The following TAFA5 variants were observed in gnomAD, a reference collection of about 807,000 sequenced individuals.
The protein encoded by TAFA5 is TAFA chemokine like family member 5.
Under a neutral mutation model 15.3 loss-of-function variants are expected in TAFA5, and 6 were observed. The ratio of observed to expected loss-of-function variants is 0.39; its 90% CI spans 0.21 to 0.77. The LOEUF (loss-of-function observed/expected upper bound fraction) is 0.77, where lower values mean the gene tolerates loss of function less well. Among genes scored for constraint, TAFA5 ranks in the 30% least tolerant of loss-of-function variants. The pLI, the probability that TAFA5 is intolerant of heterozygous loss-of-function variation, is 0.41. For missense variants in TAFA5, 161 were observed against 193.1 expected (o/e 0.83, Z 0.98); for synonymous variants, 103 against 80.7 (o/e 1.28, Z -1.48).
intron 1 of TAFA5, among the ~76,000 whole-genome samples, chr22:48,536,451 T>C (rs1271615505): frequency 2.0e-5 from 3 of 151,992 alleles, no homozygotes; most frequent in African/African-American, 7.3e-5. Flanking sequence ...CCGGCGCGGG[T>C]GGGTAACGAG....
chr22:48,700,982 A>G (rs1317903325), intron 2 of TAFA5, among the ~76,000 whole-genome samples: 1 of 152,102 alleles, frequency 6.6e-6, no homozygotes, highest in African/African-American at 2.4e-5. Context: ...CTCGTCCCCC[A>G]AGTTCAGGCT....
At chr22:48,581,574 C>T (rs2147146476) in intron 1 of TAFA5, among the ~76,000 whole-genome samples, 1 of 152,328 alleles carries the variant, frequency 6.6e-6, no homozygotes, top group South Asian at 2.1e-4. Flanking sequence ...CGTGTCCGTG[C>T]TCAGTAGAGT....
intron 1 of TAFA5, among the ~76,000 whole-genome samples, chr22:48,606,949 G>T (rs974184126): frequency 6.9e-6 from 1 of 144,098 alleles, no homozygotes. Flanking sequence ...TCCACTCTGT[G>T]CCCAGGGCAA....
At chr22:48,719,258 A>C (rs1929496358) in intron 3 of TAFA5, among the ~76,000 whole-genome samples, 1 of 152,140 alleles carries the variant, frequency 6.6e-6, no homozygotes, top group South Asian at 2.1e-4. Context: ...GCAGGACTGA[A>C]GAGAACCGCC....
intron 1 of TAFA5, among the ~76,000 whole-genome samples, chr22:48,584,108 CCA>C (rs958689768): frequency 1.0e-4 from 15 of 147,768 alleles, no homozygotes; most frequent in African/African-American, 2.7e-4. Context: ...CACACACACA[CCA>C]CACACACACA....
chr22:48,659,933 A>G lies in TAFA5; in HGVS notation c.262+13187A>G, dbSNP rs17823543. 2.4e-3 allele frequency among the ~76,000 whole-genome samples: 372 copies of G among 152,274 alleles called. 11 individuals carry two copies. In the East Asian group the frequency reaches 0.058, roughly 24 times the overall value. ...CAGGGACATTTTGAAAGAAAATTTT[A>G]TTTTGATCTTGGAGATGCTTTGATC... On this transcript the variant is annotated intron_variant, in intron 2 of 3. Transcript: ENST00000402357.
chr22:48,547,693 G>T (rs1922723640), intron 1 of TAFA5, among the ~76,000 whole-genome samples: 1 of 152,158 alleles, frequency 6.6e-6, no homozygotes, highest in African/African-American at 2.4e-5. Flanking sequence ...CTCAGAGTGG[G>T]GTCCCAGTGG....
intron 1 of TAFA5, among the ~76,000 whole-genome samples, chr22:48,532,317 G>T (rs779879128): frequency 6.6e-6 from 1 of 152,172 alleles, no homozygotes; most frequent in African/African-American, 2.4e-5. Flanking sequence ...TATTTACTCC[G>T]CACCTTTTCA....
rs149612364 is a variant in TAFA5 at position 48,571,431 on chromosome 22, C to T, written c.113-75166C>T. 4.1e-3 allele frequency among the ~76,000 whole-genome samples: 622 copies of T among 151,624 alleles called. 15 individuals carry two copies. Among genetic ancestry groups the T allele is most frequent in the Admixed American group, 0.026 (397 of 15,224 alleles). On this transcript the variant is annotated intron_variant, in intron 1 of 3. Coordinates refer to ENST00000402357, the MANE Select transcript of TAFA5 (RefSeq NM_001082967.3). ...CTGGGATTACAGGCACCCACTACCA[C>T]GCCCAGCTAATTTTTGTATTTTTAG...
chr22:48,510,986 C>G (rs1306809120), intron 1 of TAFA5, among the ~76,000 whole-genome samples: 1 of 152,252 alleles, frequency 6.6e-6, no homozygotes, highest in Non-Finnish European at 1.5e-5. Flanking sequence ...AGGGGCTGGG[C>G]ACCCCATGTG....
chr22:48,612,335 G>A (rs924764999), intron 1 of TAFA5, among the ~76,000 whole-genome samples: 5 of 152,204 alleles, frequency 3.3e-5, no homozygotes, highest in South Asian at 4.1e-4. Context: ...GTGAGATCAC[G>A]GCAGGCCACG....
At chr22:48,564,473 G>A (rs919034812) in intron 1 of TAFA5, among the ~76,000 whole-genome samples, 5 of 152,248 alleles carry the variant, frequency 3.3e-5, no homozygotes, top group African/African-American at 1.2e-4. Context: ...GCAGCTGCAG[G>A]ACAGTGGGCT....
chr22:48,586,154 G>A (rs938218720), intron 1 of TAFA5, among the ~76,000 whole-genome samples: 6 of 152,266 alleles, frequency 3.9e-5, no homozygotes, highest in Non-Finnish European at 7.3e-5. Flanking sequence ...CACAGCTGGG[G>A]CAAGTGTGGC....
At chr22:48,685,286 T>G (rs895425477) in intron 2 of TAFA5, among the ~76,000 whole-genome samples, 6 of 152,192 alleles carry the variant, frequency 3.9e-5, no homozygotes, top group Admixed American at 2.0e-4. Context: ...AGCAGCAGGC[T>G]TCAGAGAGAA....
At chr22:48,710,866 G>C (rs1468019977) in intron 3 of TAFA5, among the ~76,000 whole-genome samples, 1 of 152,210 alleles carries the variant, frequency 6.6e-6, no homozygotes, top group South Asian at 2.1e-4. Context: ...AGTTTCACAG[G>C]CTTGAATACT....
chr22:48,544,410 C>G (rs909286451), intron 1 of TAFA5: 1 of 347,634 alleles, frequency 2.9e-6, no homozygotes, highest in African/African-American at 2.1e-5. Context: ...CACGGCCAGT[C>G]TTGGGTTTGC....
intron 1 of TAFA5, among the ~76,000 whole-genome samples, chr22:48,623,814 A>C (rs1285110132): frequency 1.3e-5 from 2 of 152,232 alleles, no homozygotes; most frequent in African/African-American, 2.4e-5. Flanking sequence ...TCTTGGGGAA[A>C]ATTTTAGATT....
intron 2 of TAFA5, among the ~76,000 whole-genome samples, chr22:48,697,741 TATG>T (rs1460562849): frequency 6.6e-6 from 1 of 151,554 alleles, no homozygotes; most frequent in Non-Finnish European, 1.5e-5. Flanking sequence ...TGGTAGTGGT[TATG>T]ATAATGTGAT....
At position 48,566,992 on chromosome 22, in the gene TAFA5, G is replaced by A. The variant is rs571441451; in HGVS notation, c.112+77288G>A. On this transcript the variant is annotated intron_variant, in intron 1 of 3. Coordinates refer to ENST00000402357, the MANE Select transcript of TAFA5 (RefSeq NM_001082967.3). This position sits in a 1 kb window ranked among gnomAD's most constrained non-coding sequence, Gnocchi z 4.5. ...CCGCACTGGATTCCCCTTTCCCTGC[G>A]GAAGGGCACTTGCGTTGTCTCCAGG... Among the ~76,000 whole-genome samples the A allele has an allele frequency of 5.9e-5, 9 of 152,318 alleles. No individual in the cohort carries two copies. In the South Asian group the frequency reaches 1.0e-3, roughly 18 times the overall value.
Sources: gnomAD v4.1 joint callset for allele counts (sites outside exome capture counted in the v4.1 genomes callset) on GRCh38, gnomAD v4.1.1 for gene constraint, Gnocchi (gnomAD v3.1) non-coding constraint, MANE v1.5 for transcripts, NCBI Gene and HGNC (gene_info 2026-07-23, HGNC 2026-07-21) for gene names.